ARHGEF28: variants seen among roughly 807,000 people sequenced by gnomAD.
ARHGEF28 encodes the protein 190 kDa guanine nucleotide exchange factor.
A neutral mutation model predicts 206.6 loss-of-function variants in ARHGEF28; 152 were observed. The observed-to-expected ratio is 0.74, with a 90% CI of 0.64 to 0.84. The LOEUF is 0.84. Ranked by LOEUF, ARHGEF28 falls within the 40% of genes least tolerant of loss-of-function variation. The probability of loss-of-function intolerance (pLI) is 0.00; values close to 1 mark genes in which losing one functional copy is unlikely to be tolerated. For synonymous variants in ARHGEF28, 763 were observed against 776.4 expected (o/e 0.98, Z 0.29); for missense variants, 2,028 against 2,073.2 (o/e 0.98, Z 0.42).
intron 2 of ARHGEF28, among the ~76,000 whole-genome samples, chr5:73,728,292 A>G (rs1175065624): frequency 1.3e-5 from 2 of 152,216 alleles, no homozygotes; most frequent in East Asian, 1.9e-4. Flanking sequence ...ATCCCAATGT[A>G]GTAAAGAAAT....
chr5:73,714,848 T>C (rs112515823), intron 2 of ARHGEF28, among the ~76,000 whole-genome samples: 16 of 152,274 alleles, frequency 1.1e-4, no homozygotes, highest in African/African-American at 3.6e-4. Flanking sequence ...CATTTAGACT[T>C]GTATCATAAG....
intron 9 of ARHGEF28, among the ~76,000 whole-genome samples, chr5:73,824,355 C>G (rs191415869): frequency 6.6e-6 from 1 of 151,986 alleles, no homozygotes; most frequent in South Asian, 2.1e-4. Context: ...CAGAGTGTGA[C>G]AGATGACATA....
At chr5:73,646,530 C>T (rs1699055228) in intron 1 of ARHGEF28, among the ~76,000 whole-genome samples, 1 of 152,192 alleles carries the variant, frequency 6.6e-6, no homozygotes, top group African/African-American at 2.4e-5. Context: ...AGCTCATGCT[C>T]CTGTCTGAGA....
intron 2 of ARHGEF28, among the ~76,000 whole-genome samples, chr5:73,748,495 C>T (rs1046037148): frequency 3.9e-5 from 6 of 152,042 alleles, no homozygotes; most frequent in Non-Finnish European, 8.8e-5. Flanking sequence ...ACTAGAAAAC[C>T]CTACACCGAT....
intron 2 of ARHGEF28, among the ~76,000 whole-genome samples, chr5:73,708,198 T>A (rs79491876): frequency 1.3e-5 from 2 of 151,978 alleles, no homozygotes; most frequent in Non-Finnish European, 2.9e-5. Flanking sequence ...TTTTTTTTTT[T>A]AATTTCAGCT....
At chr5:73,750,379 C>G (rs73763105) in intron 3 of ARHGEF28, among the ~76,000 whole-genome samples, 2,267 of 152,160 alleles carry the variant, frequency 0.015, 42 homozygotes, top group African/African-American at 0.052. Context: ...TTTGTCTTCT[C>G]TCTTCCTCAT....
chr5:73,706,391 A>G (rs1459004586), intron 2 of ARHGEF28, among the ~76,000 whole-genome samples: 1 of 152,028 alleles, frequency 6.6e-6, no homozygotes, highest in Non-Finnish European at 1.5e-5. Flanking sequence ...ACAAAACCAC[A>G]TTGACGATGA....
At chr5:73,896,638 C>T (rs975033412) in intron 29 of ARHGEF28, among the ~76,000 whole-genome samples, 2 of 152,006 alleles carry the variant, frequency 1.3e-5, no homozygotes, top group Admixed American at 6.6e-5. Context: ...GAGAAGAGGC[C>T]GAGGCAAGAT....
At chr5:73,804,711 T>G (rs1426925131) in intron 9 of ARHGEF28, among the ~76,000 whole-genome samples, 1 of 152,122 alleles carries the variant, frequency 6.6e-6, no homozygotes, top group Non-Finnish European at 1.5e-5. Flanking sequence ...GATTTTTTTT[T>G]CATCATTACA....
At chr5:73,815,851 C>T (rs1756170269) in intron 9 of ARHGEF28, among the ~76,000 whole-genome samples, 1 of 152,176 alleles carries the variant, frequency 6.6e-6, no homozygotes. Context: ...AGATGATTAA[C>T]TATTTGCCAC....
intron 2 of ARHGEF28, among the ~76,000 whole-genome samples, chr5:73,726,885 CAGAGAT>C (rs953928567): frequency 8.1e-4 from 123 of 152,160 alleles, no homozygotes; most frequent in African/African-American, 2.9e-3. Context: ...GTTCTTTCTG[CAGAGAT>C]AGAAAGCTGG....
chr5:73,787,730 A>G (rs1355388528), intron 7 of ARHGEF28, among the ~76,000 whole-genome samples: 1 of 152,040 alleles, frequency 6.6e-6, no homozygotes, highest in Non-Finnish European at 1.5e-5. Context: ...TTATGGCTGC[A>G]TTTTACAGAG....
At chr5:73,879,214 C>T (rs569975538) in intron 22 of ARHGEF28, among the ~76,000 whole-genome samples, 1 of 152,348 alleles carries the variant, frequency 6.6e-6, no homozygotes, top group African/African-American at 2.4e-5. Flanking sequence ...CAGCTGATCG[C>T]ATCGGCTCCT....
At chr5:73,845,011 ATTTTTTTTTT>A (rs70973277) in intron 11 of ARHGEF28, among the ~76,000 whole-genome samples, 3 of 99,362 alleles carry the variant, frequency 3.0e-5, no homozygotes, top group Non-Finnish European at 6.0e-5. Flanking sequence ...CAAAGGAATC[ATTTTTTTTTT>A]TTTTTTTTTT....
intron 26 of ARHGEF28, among the ~76,000 whole-genome samples, chr5:73,891,063 A>G (rs529049695): frequency 6.6e-6 from 1 of 152,164 alleles, no homozygotes; most frequent in Non-Finnish European, 1.5e-5. Flanking sequence ...CTTATGTGAA[A>G]CTAGTCCTAC....
intron 1 of ARHGEF28, among the ~76,000 whole-genome samples, chr5:73,679,482 A>G (rs536966453): frequency 6.6e-6 from 1 of 151,180 alleles, no homozygotes; most frequent in Admixed American, 6.6e-5. Context: ...CAGGAGAATC[A>G]TTTGAATCCA....
chr5:73,929,972 A>C (rs1764014898), intron 35 of ARHGEF28, among the ~76,000 whole-genome samples: 1 of 119,624 alleles, frequency 8.4e-6, no homozygotes, highest in Non-Finnish European at 1.7e-5. Flanking sequence ...GCTCATTTTA[A>C]ACTGCTATAT....
chr5:73,700,369 AT>A (rs950195777), intron 2 of ARHGEF28, among the ~76,000 whole-genome samples: 1 of 152,144 alleles, frequency 6.6e-6, no homozygotes, highest in African/African-American at 2.4e-5. Context: ...TACTGTTTGA[AT>A]TTTTTACTAT....
chr5:73,846,838 C>T (rs1758398337), intron 12 of ARHGEF28, among the ~76,000 whole-genome samples: 1 of 152,118 alleles, frequency 6.6e-6, no homozygotes, highest in Admixed American at 6.6e-5. Context: ...TTGTTTTGCT[C>T]ACGTAAATAA....
Sources: gnomAD v4.1 joint callset for allele counts (sites outside exome capture counted in the v4.1 genomes callset) on GRCh38, gnomAD v4.1.1 for gene constraint, MANE v1.5 for transcripts, NCBI Gene and HGNC (gene_info 2026-07-23, HGNC 2026-07-21) for gene names.